The following TENM3 variants were observed in gnomAD, a reference collection of about 807,000 sequenced individuals.
The protein encoded by TENM3 is teneurin-3.
TENM3 carries 63 observed loss-of-function variants against 255.1 expected under a neutral mutation model. The ratio of observed to expected loss-of-function variants is 0.25; its 90% CI spans 0.20 to 0.30. The LOEUF (loss-of-function observed/expected upper bound fraction) is 0.30. TENM3 is among the 10% of genes least tolerant of loss of function. The probability of loss-of-function intolerance (pLI) is 1.00; values close to 1 mark genes in which losing one functional copy is unlikely to be tolerated. For missense variants in TENM3, 2,929 were observed against 3,461.1 expected, an observed-to-expected ratio of 0.85 and a Z score of 3.86; for synonymous variants, 1,306 against 1,322.3, an observed-to-expected ratio of 0.99 and a Z score of 0.27.
the TENM3 span, among the ~76,000 whole-genome samples, chr4:181,644,590 CA>C: frequency 6.6e-6 from 1 of 152,236 alleles, no homozygotes; most frequent in Non-Finnish European, 1.5e-5. Context: ...CCTGCCTCAC[CA>C]AATTCAGGGG....
the TENM3 span, among the ~76,000 whole-genome samples, chr4:181,798,113 GTGTA>G: frequency 6.9e-6 from 1 of 145,926 alleles, no homozygotes; most frequent in African/African-American, 2.5e-5. Context: ...GTGTGTGTGT[GTGTA>G]TAGTTTTGTC....
At chr4:182,246,791 G>C (rs776130341) in intron 1 of TENM3, among the ~76,000 whole-genome samples, 12 of 152,188 alleles carry the variant, frequency 7.9e-5, no homozygotes, top group African/African-American at 2.9e-4. Context: ...TATTGCAGAC[G>C]ACAGCAGTGC....
At chr4:181,486,848 A>G in the TENM3 span, among the ~76,000 whole-genome samples, 72 of 152,338 alleles carry the variant, frequency 4.7e-4, no homozygotes, top group Non-Finnish European at 8.1e-4. Context: ...GATAATGTAC[A>G]ATTACATTGG....
chr4:182,118,176 G>GT, the TENM3 span, among the ~76,000 whole-genome samples: 25 of 151,844 alleles, frequency 1.6e-4, no homozygotes, highest in Non-Finnish European at 3.4e-4. Flanking sequence ...ATTCCAGGAG[G>GT]TTTTTTTGTC....
the TENM3 span, among the ~76,000 whole-genome samples, chr4:182,062,631 T>C: frequency 6.6e-6 from 1 of 152,222 alleles, no homozygotes; most frequent in Non-Finnish European, 1.5e-5. Flanking sequence ...AGAGCTTTCC[T>C]AACTATTTGT....
chr4:182,476,135 T>C (rs534416540), intron 3 of TENM3, among the ~76,000 whole-genome samples: 7 of 152,162 alleles, frequency 4.6e-5, no homozygotes, highest in Non-Finnish European at 8.8e-5. Flanking sequence ...GACCTACACT[T>C]GATTAAGTGA....
At chr4:181,824,079 A>G in the TENM3 span, among the ~76,000 whole-genome samples, 2 of 151,986 alleles carry the variant, frequency 1.3e-5, no homozygotes, top group Admixed American at 6.6e-5. Flanking sequence ...GCAACTGGGA[A>G]TTTTTCATAT....
chr4:181,645,299 T>C, the TENM3 span, among the ~76,000 whole-genome samples: 2 of 152,152 alleles, frequency 1.3e-5, no homozygotes, highest in Non-Finnish European at 2.9e-5. Context: ...ATCAGCCCGT[T>C]TCCCAGGATT....
At chr4:182,666,544 A>G (rs1754697898) in intron 6 of TENM3, among the ~76,000 whole-genome samples, 1 of 152,176 alleles carries the variant, frequency 6.6e-6, no homozygotes, top group Non-Finnish European at 1.5e-5. Flanking sequence ...ACTTGATCAG[A>G]TGATCGGTAG....
At chr4:182,703,184 A>G (rs562361983) in intron 12 of TENM3, among the ~76,000 whole-genome samples, 2 of 152,362 alleles carry the variant, frequency 1.3e-5, no homozygotes, top group South Asian at 4.1e-4. Context: ...GTCACAAAAG[A>G]TTGAATTGTC....
the TENM3 span, among the ~76,000 whole-genome samples, chr4:181,482,136 TATA>T: frequency 6.6e-6 from 1 of 152,140 alleles, no homozygotes; most frequent in Non-Finnish European, 1.5e-5. Context: ...TTGACTGACA[TATA>T]ATAATTGTAT....
At chr4:182,733,125 A>G (rs1169803809) in intron 16 of TENM3, among the ~76,000 whole-genome samples, 1 of 152,220 alleles carries the variant, frequency 6.6e-6, no homozygotes, top group Non-Finnish European at 1.5e-5. Flanking sequence ...GGATAGAGGT[A>G]TGATCTTACA....
At chr4:181,805,918 C>T in the TENM3 span, among the ~76,000 whole-genome samples, 5 of 152,150 alleles carry the variant, frequency 3.3e-5, no homozygotes, top group Non-Finnish European at 1.5e-5. Context: ...CTAGTATCTT[C>T]TCATCTCTTT....
At chr4:182,410,507 C>CAG (rs1769911291) in intron 3 of TENM3, among the ~76,000 whole-genome samples, 1 of 152,182 alleles carries the variant, frequency 6.6e-6, no homozygotes, top group Non-Finnish European at 1.5e-5. Flanking sequence ...TAGCTCTCGG[C>CAG]TGGCAAGCTG....
intron 7 of TENM3, among the ~76,000 whole-genome samples, chr4:182,674,861 G>T (rs183918706): frequency 6.6e-6 from 1 of 151,938 alleles, no homozygotes; most frequent in Non-Finnish European, 1.5e-5. Flanking sequence ...ATGAGCCACC[G>T]CGTCTGGGCT....
At chr4:182,000,222 T>C in the TENM3 span, among the ~76,000 whole-genome samples, 3 of 152,152 alleles carry the variant, frequency 2.0e-5, no homozygotes, top group African/African-American at 7.2e-5. Context: ...AACTCAGCCC[T>C]TTCTGCATCC....
In TENM3 at chr4:182,156,368, T is replaced by C. The variant is rs994716365; in HGVS notation, c.-76+11614T>C. On this transcript the variant is annotated intron_variant, in intron 1 of 2. Coordinates refer to the TENM3 transcript ENST00000512480. ...TTCTTTTTTTGAATAATTTCGACTT[T>C]CATTTTAGATTCAGGGGTGCACAGG... 5.3e-5 allele frequency among the ~76,000 whole-genome samples: 8 copies of C among 152,246 alleles called. No individual in the cohort carries two copies. In the East Asian group the frequency reaches 1.2e-3, roughly 22 times the overall value.
At chr4:182,463,912 G>A (rs553174061) in intron 3 of TENM3, among the ~76,000 whole-genome samples, 81 of 151,868 alleles carry the variant, frequency 5.3e-4, no homozygotes, top group Non-Finnish European at 6.5e-4. Context: ...GTGAGCCACC[G>A]TGCCCAGCCG....
At chr4:182,225,723 A>G (rs561236591) in intron 1 of TENM3, among the ~76,000 whole-genome samples, 1 of 152,220 alleles carries the variant, frequency 6.6e-6, no homozygotes, top group Admixed American at 6.5e-5. Flanking sequence ...ATCAAGGAAG[A>G]GTTGCTTGGA....
Sources: gnomAD v4.1 joint callset for allele counts (sites outside exome capture counted in the v4.1 genomes callset) on GRCh38, gnomAD v4.1.1 for gene constraint, MANE v1.5 for transcripts, NCBI Gene and HGNC (gene_info 2026-07-23, HGNC 2026-07-21) for gene names.